The following GALNT12 variants were observed in gnomAD, a reference collection of about 807,000 sequenced individuals.
GALNT12 encodes polypeptide N-acetylgalactosaminyltransferase 12, also known as UDP-GalNAc:polypeptide N-acetylgalactosaminyltransferase 12.
A neutral mutation model predicts 55.5 loss-of-function variants in GALNT12; 45 were observed. The observed-to-expected ratio is 0.81, with a 90% confidence interval of 0.64 to 1.04. The LOEUF is 1.04. Ranked by LOEUF, GALNT12 falls within the 50% of genes least tolerant of loss-of-function variation. GALNT12 has a pLI of 0.00. For synonymous variants in GALNT12, 304 were observed against 312.2 expected (o/e 0.97, Z 0.28); for missense variants, 709 against 754.8 (o/e 0.94, Z 0.71).
intron 1 of GALNT12, among the ~76,000 whole-genome samples, chr9:98,809,792 G>C (rs752281051): frequency 6.6e-6 from 1 of 152,120 alleles, no homozygotes; most frequent in Non-Finnish European, 1.5e-5. Context: ...CTTTATTGTC[G>C]CAGGTTGTGA....
In GALNT12 at chr9:98,848,987, T is replaced by A. The variant is rs1060502967; in HGVS notation, c.1641T>A (p.Cys547Ter). The A allele has an allele frequency of 6.2e-7, 1 of 1,614,240 alleles. No individual in the cohort carries two copies. Residue 547 changes from cysteine (C) to a stop codon, truncating the protein, a stop_gained, in exon 10 of 10, where the codon TGT becomes TGA. Transcript: ENST00000375011. LOFTEE classifies it low-confidence loss of function (END_TRUNC). Reference sequence around the variant, plus strand: ...TATTTCACGAACAGTCCAAGAAATGTGTCCAGGCTGCGAGGAAGGAGTCGA... The same window carrying A: ...TATTTCACGAACAGTCCAAGAAATGAGTCCAGGCTGCGAGGAAGGAGTCGA... ...GSLFHEQSKKCVQAARKESSD... is the reference protein window; with the variant it reads ...GSLFHEQSKK
chr9:98,813,433 TTTCTTG>T (rs1588439193), intron 1 of GALNT12, among the ~76,000 whole-genome samples: 1 of 152,238 alleles, frequency 6.6e-6, no homozygotes, highest in East Asian at 1.9e-4. Context: ...AGATTAGTGT[TTTCTTG>T]TTGTTCCTTC....
intron 4 of GALNT12, among the ~76,000 whole-genome samples, chr9:98,832,380 A>G (rs879818607): frequency 2.0e-5 from 3 of 152,140 alleles, no homozygotes; most frequent in Non-Finnish European, 4.4e-5. Context: ...TTAGCTGAGC[A>G]TGCTAGTGTG....
chr9:98,835,242 T>A lies in GALNT12; in HGVS notation c.918-7T>A. The A allele has an allele frequency of 1.9e-6, 3 of 1,593,754 alleles. No homozygotes were observed. Among genetic ancestry groups the A allele is most frequent in the Non-Finnish European group, 2.6e-6 (3 of 1,161,338 alleles). ...TACAGTGAAATAAGGATATCATACT[T>A]TTTTAGGTCTCCAACAATGGCTGGT... On this transcript the variant is annotated splice_region_variant and splice_polypyrimidine_tract_variant and intron_variant, in intron 4 of 9. Transcript: ENST00000375011.
At chr9:98,846,206 T>C (rs1473474863) in intron 9 of GALNT12, 83 bp downstream of exon 9, 4 of 1,540,834 alleles carry the variant, frequency 2.6e-6, no homozygotes, top group Admixed American at 3.3e-5. Flanking sequence ...CTCTCTGGCA[T>C]AGTCCTGGTG....
At chr9:98,839,929 C>A (rs1352835165) in intron 6 of GALNT12, 73 bp from the exon 7 acceptor site, 1 of 1,584,818 alleles carries the variant, frequency 6.3e-7, no homozygotes, top group African/African-American at 1.3e-5. Context: ...AGTAAGTGAG[C>A]ATCAGTGAAC....
At position 98,849,957 on chromosome 9, in the gene GALNT12, C is replaced by T. The variant is rs766815191; in HGVS notation, c.*865C>T. The T allele has an allele frequency of 1.4e-5, 3 of 218,922 alleles. No homozygotes were observed. Among genetic ancestry groups the T allele is most frequent in the Non-Finnish European group, 2.7e-5 (3 of 109,610 alleles). 13.6% of individuals were successfully genotyped at this position (218,922 alleles called of 1,614,324 possible). The stretch of plus-strand genomic sequence containing the variant: ...ATTTAAATCAGCGTTAGAGTTTGTG[C>T]TGCTGCAACTGCTGTGAAAATTTCT... On this transcript the variant is annotated 3_prime_UTR_variant, in exon 10 of 10. Coordinates refer to ENST00000375011, the MANE Select transcript of GALNT12 (RefSeq NM_024642.5).
intron 6 of GALNT12, 60 bp from the exon 7 acceptor site, chr9:98,839,942 A>C (rs1441483992): frequency 1.2e-6 from 2 of 1,608,516 alleles, no homozygotes; most frequent in African/African-American, 1.3e-5. Flanking sequence ...CAGTGAACAC[A>C]GGGGCTTTGA....
chr9:98,832,262 A>G (rs1836016990), intron 4 of GALNT12, among the ~76,000 whole-genome samples: 1 of 152,316 alleles, frequency 6.6e-6, no homozygotes, highest in South Asian at 2.1e-4. Flanking sequence ...GCTCATGCCT[A>G]TAATCCCAGT....
chr9:98,827,047 A>C, intron 3 of GALNT12, 106 bp downstream of exon 3: 1 of 1,204,632 alleles, frequency 8.3e-7, no homozygotes. Flanking sequence ...GCCTGGGCTC[A>C]GCTGCTTCTC....
intron 4 of GALNT12, among the ~76,000 whole-genome samples, chr9:98,833,029 C>T (rs1438556571): frequency 1.3e-5 from 2 of 152,026 alleles, no homozygotes; most frequent in Admixed American, 6.6e-5. Flanking sequence ...ATCTTTAGGC[C>T]CCTTTGACCT....
At chr9:98,831,696 A>G in intron 3 of GALNT12, 76 bp from the exon 4 acceptor site, 1 of 1,505,854 alleles carries the variant, frequency 6.6e-7, no homozygotes. Context: ...ACAAGAATTC[A>G]CCCTTGAATT....
chr9:98,822,080 C>T (rs1036016538), intron 1 of GALNT12, among the ~76,000 whole-genome samples: 4 of 152,216 alleles, frequency 2.6e-5, no homozygotes, highest in Admixed American at 1.3e-4. Context: ...CCCTCCTCCT[C>T]CTGCCTAGTT....
At chr9:98,829,434 C>T (rs572475398) in intron 3 of GALNT12, among the ~76,000 whole-genome samples, 11 of 152,082 alleles carry the variant, frequency 7.2e-5, no homozygotes, top group Non-Finnish European at 1.3e-4. Flanking sequence ...AGTGATTTGC[C>T]CGTCTCAGCC....
At chr9:98,808,111 C>T (rs1757371667) in intron 1 of GALNT12, 42 bp downstream of exon 1, 6 of 1,495,414 alleles carry the variant, frequency 4.0e-6, no homozygotes, top group Admixed American at 1.9e-5. Flanking sequence ...CCTCAGAGCC[C>T]CGGGCCTCAG....
intron 5 of GALNT12, 50 bp from the exon 6 acceptor site, chr9:98,836,922 G>A (rs759724015): frequency 1.8e-5 from 28 of 1,593,546 alleles, no homozygotes; most frequent in African/African-American, 9.4e-5. Flanking sequence ...CTATGGACCC[G>A]CAGCTCATCC....
Position 98,831,896 on chromosome 9 carries a change from A to G in GALNT12, c.856A>G (p.Thr286Ala). ...IGGFDWRLVF[T>A]WHTVPERERI... is the part of the protein sequence containing the mutation. ...CGGTTTCGACTGGAGGCTGGTGTTC[A>G]CGTGGCACACAGTTCCTGAGAGGGA... The change falls in exon 4 of 10, where the codon ACG (threonine) becomes GCG (alanine). Residue 286 changes from threonine to alanine, a missense_variant. Transcript: ENST00000375011. 6.2e-7 allele frequency: 1 copy of G among 1,614,156 alleles called. No homozygotes were observed. Among genetic ancestry groups the G allele is most frequent in the South Asian group, 1.1e-5 (1 of 91,084 alleles).
intron 1 of GALNT12, among the ~76,000 whole-genome samples, chr9:98,821,328 G>A (rs1835729829): frequency 6.6e-6 from 1 of 151,854 alleles, no homozygotes; most frequent in Admixed American, 6.6e-5. Context: ...CTTTTTTAAT[G>A]TTGAAATTTC....
intron 3 of GALNT12, among the ~76,000 whole-genome samples, chr9:98,831,568 C>T (rs1008682594): frequency 1.3e-5 from 2 of 152,140 alleles, no homozygotes; most frequent in African/African-American, 2.4e-5. Context: ...TAAAGCCCTC[C>T]GTGGCCCCCA....
Sources: gnomAD v4.1 joint callset for allele counts (sites outside exome capture counted in the v4.1 genomes callset) on GRCh38, gnomAD v4.1.1 for gene constraint, MANE v1.5 for transcripts, NCBI Gene and HGNC (gene_info 2026-07-23, HGNC 2026-07-21) for gene names.